The following TMEM132B variants were observed in gnomAD, a reference collection of about 807,000 sequenced individuals.
TMEM132B encodes the protein transmembrane protein 132B.
A neutral mutation model predicts 90.8 loss-of-function variants in TMEM132B; 18 were observed. That is an observed-to-expected ratio of 0.20 (90% CI 0.14 to 0.29). The LOEUF is 0.29. Among genes scored for constraint, TMEM132B ranks in the 10% least tolerant of loss-of-function variants. TMEM132B has a pLI of 1.00. For synonymous variants in TMEM132B, 504 were observed against 523.3 expected (o/e 0.96, Z 0.50); for missense variants, 1,096 against 1,326.8 (o/e 0.83, Z 2.70).
At chr12:125,350,425 A>T (rs1877531404) in intron 2 of TMEM132B, 82 bp downstream of exon 2, 9 of 1,457,034 alleles carry the variant, frequency 6.2e-6, no homozygotes, top group Non-Finnish European at 8.3e-6. Context: ...ATGGGTGTTG[A>T]TCATTTGCTG....
At chr12:125,535,637 A>G (rs904382777) in intron 4 of TMEM132B, among the ~76,000 whole-genome samples, 1 of 152,204 alleles carries the variant, frequency 6.6e-6, no homozygotes, top group Admixed American at 6.5e-5. Context: ...GTGTCTTTCT[A>G]TAATTAGACT....
At chr12:125,491,380 C>A (rs1269994073) in intron 3 of TMEM132B, among the ~76,000 whole-genome samples, 2 of 152,046 alleles carry the variant, frequency 1.3e-5, no homozygotes, top group African/African-American at 2.4e-5. Context: ...ATTACTAATA[C>A]AAAGCTTTTT....
At chr12:125,224,545 A>G (rs1041068548) in intron 1 of TMEM132B, among the ~76,000 whole-genome samples, 1 of 152,226 alleles carries the variant, frequency 6.6e-6, no homozygotes, top group Admixed American at 6.5e-5. Flanking sequence ...ACTGTCTTGT[A>G]TGAGGCAGGA....
chr12:125,207,419 G>T (rs990433638), intron 1 of TMEM132B, among the ~76,000 whole-genome samples: 10 of 152,320 alleles, frequency 6.6e-5, no homozygotes, highest in Non-Finnish European at 1.0e-4. Context: ...TCTGTTGCCT[G>T]TTGGAAGCCT....
intron 4 of TMEM132B, among the ~76,000 whole-genome samples, chr12:125,577,260 T>A (rs1884961600): frequency 6.6e-6 from 1 of 151,644 alleles, no homozygotes; most frequent in Non-Finnish European, 1.5e-5. Context: ...CTAGGTCATC[T>A]AGTTTTTGGC....
chr12:125,475,182 A>G (rs1881841887), intron 3 of TMEM132B, among the ~76,000 whole-genome samples: 1 of 152,282 alleles, frequency 6.6e-6, no homozygotes, highest in East Asian at 1.9e-4. Context: ...TGGGGGGAAG[A>G]GGACCCAGCA....
Position 125,406,961 on chromosome 12 carries a change from G to A in TMEM132B, c.960-8570G>A, listed in dbSNP as rs1416480252. Among the ~76,000 whole-genome samples the A allele has an allele frequency of 1.3e-5, 2 of 152,198 alleles. No homozygotes were observed. The highest frequency in any genetic ancestry group is 2.1e-4 in the South Asian group (1 of 4,832). On this transcript the variant is annotated intron_variant, in intron 2 of 8. Transcript: ENST00000682704. This position sits in a 1 kb window ranked among gnomAD's most constrained non-coding sequence, Gnocchi z 8.3. ...AAGCTCCCAGTTGACCTTTCCCAGT[G>A]GAGTCGTATGGACAGCATTTGCTTC...
intron 2 of TMEM132B, among the ~76,000 whole-genome samples, chr12:125,384,669 G>C (rs1878775910): frequency 1.3e-5 from 2 of 151,904 alleles, no homozygotes; most frequent in Admixed American, 6.6e-5. Context: ...TTGTTTTTTT[G>C]AGATGGAGTC....
intron 5 of TMEM132B, among the ~76,000 whole-genome samples, chr12:125,610,891 G>A (rs895523984): frequency 6.6e-6 from 1 of 152,114 alleles, no homozygotes; most frequent in South Asian, 2.1e-4. Context: ...GATAAAATTG[G>A]CCTTATAGAA....
chr12:125,308,304 A>G (rs1876044142), intron 1 of TMEM132B, among the ~76,000 whole-genome samples: 1 of 152,068 alleles, frequency 6.6e-6, no homozygotes, highest in African/African-American at 2.4e-5. Flanking sequence ...GTTTCACACC[A>G]CTTCATAGAT....
intron 1 of TMEM132B, among the ~76,000 whole-genome samples, chr12:125,234,095 C>G (rs1269964536): frequency 2.6e-5 from 4 of 152,194 alleles, no homozygotes; most frequent in African/African-American, 9.7e-5. Context: ...CAGCTCCTGG[C>G]AGGCAGTTGG....
chr12:125,285,788 C>T (rs892348348), intron 1 of TMEM132B, among the ~76,000 whole-genome samples: 2 of 152,194 alleles, frequency 1.3e-5, no homozygotes, highest in Non-Finnish European at 2.9e-5. Context: ...TGGCCTGGGG[C>T]GTCGCCAAGT....
intron 1 of TMEM132B, among the ~76,000 whole-genome samples, chr12:125,283,620 AC>A (rs1322168581): frequency 1.6e-4 from 24 of 152,206 alleles, no homozygotes; most frequent in African/African-American, 5.8e-4. Flanking sequence ...AGCATAAATT[AC>A]CAGGGAAGGG....
intron 1 of TMEM132B, among the ~76,000 whole-genome samples, chr12:125,236,302 C>T (rs557321988): frequency 7.9e-5 from 12 of 151,968 alleles, no homozygotes; most frequent in South Asian, 2.1e-4. Context: ...CATACCACCA[C>T]GCCCAGCTAT....
At chr12:125,511,817 A>G (rs1408588580) in intron 3 of TMEM132B, among the ~76,000 whole-genome samples, 3 of 146,580 alleles carry the variant, frequency 2.0e-5, no homozygotes, top group African/African-American at 7.7e-5. Flanking sequence ...GCACCATTGC[A>G]CTCCAGCCTG....
chr12:125,605,524 AG>A (rs1885672705), intron 5 of TMEM132B, among the ~76,000 whole-genome samples: 1 of 152,198 alleles, frequency 6.6e-6, no homozygotes, highest in Non-Finnish European at 1.5e-5. Context: ...TCCTGGTTCC[AG>A]TCATTGGTGA....
chr12:125,479,700 G>A (rs1276778180), intron 3 of TMEM132B, among the ~76,000 whole-genome samples: 5 of 151,772 alleles, frequency 3.3e-5, no homozygotes, highest in Admixed American at 1.3e-4. Flanking sequence ...TTAGATTAAC[G>A]AGATAGAAGG....
At chr12:125,338,785 C>T (rs325080) in intron 1 of TMEM132B, among the ~76,000 whole-genome samples, 34,408 of 152,176 alleles carry the variant, frequency 0.23, 7,015 homozygotes, top group African/African-American at 0.55. Flanking sequence ...CAGATATCCT[C>T]CCTCCATTTC....
chr12:125,412,996 G>A (rs570497316), intron 2 of TMEM132B, among the ~76,000 whole-genome samples: 1 of 152,074 alleles, frequency 6.6e-6, no homozygotes, highest in Non-Finnish European at 1.5e-5. Context: ...ACTTTTTGGG[G>A]CGTGCAAGAG....
Sources: allele counts gnomAD v4.1 joint callset (sites outside exome capture counted in the v4.1 genomes callset), GRCh38; gene constraint gnomAD v4.1.1; non-coding constraint Gnocchi (gnomAD v3.1); transcripts MANE v1.5; gene names NCBI Gene and HGNC (gene_info 2026-07-23, HGNC 2026-07-21).